KCTD14: variants seen among roughly 807,000 people sequenced by gnomAD.
KCTD14 encodes potassium channel tetramerization domain containing 14.
In KCTD14, 7 loss-of-function variants were observed where a neutral mutation model predicts 5.9. The ratio of observed to expected loss-of-function variants is 1.19; its 90% confidence interval spans 0.68 to 2.23. The LOEUF is 2.23. KCTD14 is among the 30% of genes most tolerant of loss of function. The probability of loss-of-function intolerance (pLI) is 0.00; values close to 1 mark genes in which losing one functional copy is unlikely to be tolerated. For missense variants in KCTD14, 342 were observed against 332.2 expected (o/e 1.03, Z -0.23); for synonymous variants, 140 against 133.1 (o/e 1.05, Z -0.36).
intron 2 of KCTD14, among the ~76,000 whole-genome samples, chr11:78,037,028 G>A (rs1047497021): frequency 2.6e-5 from 4 of 152,304 alleles, no homozygotes; most frequent in Middle Eastern, 3.4e-3. Context: ...CCAAAGTCAC[G>A]GAACCATGAG....
At chr11:78,030,657 C>T (rs71469602) in intron 2 of KCTD14, among the ~76,000 whole-genome samples, 1 of 152,202 alleles carries the variant, frequency 6.6e-6, no homozygotes, top group African/African-American at 2.4e-5. Flanking sequence ...GACAATGCGG[C>T]CAGCCCCTCT....
At chr11:78,024,445 CATAT>C (rs56371412), upstream of KCTD14, among the ~76,000 whole-genome samples, 104,312 of 140,442 alleles carry the variant, frequency 0.74, 39,414 homozygotes, top group Admixed American at 0.81. Context: ...CACACACACA[CATAT>C]ATATATATAT....
chr11:78,044,539 T>C (rs948724069), intron 1 of KCTD14, among the ~76,000 whole-genome samples: 2 of 152,080 alleles, frequency 1.3e-5, no homozygotes, highest in Admixed American at 6.6e-5. Flanking sequence ...CCACGCAGCA[T>C]TGTAATAAAG....
At chr11:78,034,982 C>T (rs746002473) in intron 2 of KCTD14, among the ~76,000 whole-genome samples, 1 of 152,174 alleles carries the variant, frequency 6.6e-6, no homozygotes, top group African/African-American at 2.4e-5. Flanking sequence ...TACAAAGGAA[C>T]ATAGAACTAA....
chr11:78,016,782 C>G lies in KCTD14; in HGVS notation c.579G>C (p.Lys193Asn). The change falls in exon 2 of 2, where the codon AAG becomes AAC. Residue 193 changes from lysine to asparagine, a missense_variant. Transcript: ENST00000353172. Reference sequence around the variant, plus strand: ...CAAACTTGACAACAGACTTGAACATCTTCTTATCCTGCAGAAAACACAGGA... The same window carrying G: ...CAAACTTGACAACAGACTTGAACATGTTCTTATCCTGCAGAAAACACAGGA... ...SEVLCFLQDKKMFKSVVKFGP... is the reference protein window; with the variant it reads ...SEVLCFLQDKNMFKSVVKFGP... 4 of 1,614,114 alleles carry G rather than the reference C, an allele frequency of 2.5e-6. No individual in the cohort carries two copies. The highest frequency in any genetic ancestry group is 2.5e-6 in the Non-Finnish European group (3 of 1,179,978).
chr11:78,021,864 G>A lies in KCTD14; in HGVS notation c.90+1296C>T, dbSNP rs143452539. On this transcript the variant is annotated intron_variant, in intron 1 of 1. Coordinates refer to ENST00000353172, the MANE Select transcript of KCTD14 (RefSeq NM_023930.4). The stretch of plus-strand genomic sequence containing the variant: ...CAACTAGGCTGCTACTTCACCCCTC[G>A]CAATCAACTACCAGAACTGCCTGCT... Among the ~76,000 whole-genome samples, 172 of 152,204 alleles carry A rather than the reference G, an allele frequency of 1.1e-3. 1 individual carries two copies. The South Asian group carries it at 0.012, about 10-fold the overall frequency.
At chr11:78,018,093 T>C (rs1022649698) in intron 1 of KCTD14, among the ~76,000 whole-genome samples, 2 of 151,576 alleles carry the variant, frequency 1.3e-5, no homozygotes, top group African/African-American at 4.9e-5. Flanking sequence ...TAAGACTCTG[T>C]CTCAAAAAAC....
upstream of KCTD14, among the ~76,000 whole-genome samples, chr11:78,027,443 AC>A (rs142333887): frequency 0.74 from 111,248 of 150,800 alleles, 41,975 homozygotes; most frequent in Non-Finnish European, 0.81. Context: ...GCTCACTACA[AC>A]CTCTGCCTCC....
At position 78,017,194 on chromosome 11, in the gene KCTD14, C is replaced by A. The variant is rs776007535; in HGVS notation, c.167G>T (p.Gly56Val). ...TTLGTLRKFP[G>V]SKLAEMFSSL... The stretch of plus-strand genomic sequence containing the variant: ...AGAGAACATCTCTGCCAGCTTTGAG[C>A]CCGGAAACTTCCTCAGGGTACCCAG... Residue 56 changes from glycine to valine, a missense_variant, in exon 2 of 2, where the codon GGC (glycine) becomes GTC (valine). Gly to Val is a moderately radical substitution (Grantham distance 109). Coordinates refer to ENST00000353172, the MANE Select transcript of KCTD14 (RefSeq NM_023930.4). 47 of 1,613,612 alleles carry A rather than the reference C, an allele frequency of 2.9e-5. No homozygotes were observed. The highest frequency in any genetic ancestry group is 3.8e-5 in the Non-Finnish European group (45 of 1,179,712).
upstream of KCTD14, among the ~76,000 whole-genome samples, chr11:78,026,963 G>T (rs926245006): frequency 4.6e-5 from 7 of 151,964 alleles, no homozygotes; most frequent in Non-Finnish European, 8.8e-5. Flanking sequence ...AGCTGGCGTG[G>T]TGGCATGCGC....
intron 2 of KCTD14, among the ~76,000 whole-genome samples, chr11:78,036,185 A>T (rs1857797228): frequency 6.6e-6 from 1 of 152,160 alleles, no homozygotes; most frequent in African/African-American, 2.4e-5. Context: ...TCCCTTTATG[A>T]AAGTCTCCTG....
At chr11:78,043,891 T>A (rs976351474) in intron 1 of KCTD14, among the ~76,000 whole-genome samples, 2 of 152,142 alleles carry the variant, frequency 1.3e-5, no homozygotes, top group East Asian at 3.8e-4. Context: ...TGGAAACTAA[T>A]ACAATGTAAA....
At chr11:78,029,201 A>AG (rs1262285529) in intron 2 of KCTD14, among the ~76,000 whole-genome samples, 1 of 148,906 alleles carries the variant, frequency 6.7e-6, no homozygotes, top group African/African-American at 2.6e-5. Flanking sequence ...AAAAAAAAAA[A>AG]AGAGAGATGT....
At chr11:78,042,585 T>G (rs766426846) in intron 1 of KCTD14, among the ~76,000 whole-genome samples, 4 of 152,162 alleles carry the variant, frequency 2.6e-5, no homozygotes, top group Admixed American at 6.5e-5. Flanking sequence ...ATTTGAGTAA[T>G]AACTCCATCT....
chr11:78,043,930 C>T (rs1346636472), intron 1 of KCTD14, among the ~76,000 whole-genome samples: 1 of 152,204 alleles, frequency 6.6e-6, no homozygotes, highest in Admixed American at 6.5e-5. Context: ...CTCAGAATTT[C>T]AGCTGAGGCC....
intron 1 of KCTD14, among the ~76,000 whole-genome samples, chr11:78,017,598 T>C (rs1857205754): frequency 6.6e-6 from 1 of 151,868 alleles, no homozygotes; most frequent in Non-Finnish European, 1.5e-5. Flanking sequence ...GCGCCTGCCA[T>C]CATGCCCAAC....
intron 1 of KCTD14, among the ~76,000 whole-genome samples, chr11:78,041,603 GTATGGGAGCTCTGTTTTCACGC>G (rs1185629946): frequency 1.3e-5 from 2 of 152,226 alleles, no homozygotes; most frequent in African/African-American, 4.8e-5. Flanking sequence ...CCCTCCCTTT[GTATGGGAGCTCTGTTTTCACGC>G]TATTTCACTC....
intron 2 of KCTD14, among the ~76,000 whole-genome samples, chr11:78,033,822 G>T (rs1285969677): frequency 1.4e-5 from 2 of 147,472 alleles, no homozygotes; most frequent in African/African-American, 2.5e-5. Flanking sequence ...CTACAGCTTG[G>T]GTGACAGAGT....
intron 2 of KCTD14, among the ~76,000 whole-genome samples, chr11:78,028,321 G>A (rs1009500913): frequency 2.0e-5 from 3 of 151,988 alleles, no homozygotes; most frequent in Non-Finnish European, 4.4e-5. Flanking sequence ...AGCATCCTAA[G>A]GGGCCAGGAG....
Sources: gnomAD v4.1 joint callset for allele counts (sites outside exome capture counted in the v4.1 genomes callset) on GRCh38, gnomAD v4.1.1 for gene constraint, MANE v1.5 for transcripts, NCBI Gene and HGNC (gene_info 2026-07-23, HGNC 2026-07-21) for gene names.